The following CCSER1 variants were observed in gnomAD, a reference collection of about 807,000 sequenced individuals.
CCSER1 encodes serine-rich coiled-coil domain-containing protein 1.
Under a neutral mutation model 82.0 loss-of-function variants are expected in CCSER1, and 41 were observed. That is an observed-to-expected ratio of 0.50 (90% CI 0.39 to 0.65). The LOEUF (loss-of-function observed/expected upper bound fraction) is 0.65, where lower values mean the gene tolerates loss of function less well. Among genes scored for constraint, CCSER1 ranks in the 30% least tolerant of loss-of-function variants. The probability of loss-of-function intolerance (pLI) is 0.00; values close to 1 mark genes in which losing one functional copy is unlikely to be tolerated. For synonymous variants in CCSER1, 414 were observed against 383.9 expected (o/e 1.08, Z -0.92); for missense variants, 1,119 against 1,064.2 (o/e 1.05, Z -0.72).
chr4:91,410,313 T>C (rs1578389971), intron 10 of CCSER1, among the ~76,000 whole-genome samples: 1 of 151,720 alleles, frequency 6.6e-6, no homozygotes, highest in East Asian at 1.9e-4. Context: ...TGTCTTTCCA[T>C]CATTTTTTTT....
intron 10 of CCSER1, among the ~76,000 whole-genome samples, chr4:91,498,412 T>C (rs1419137013): frequency 2.6e-5 from 4 of 151,780 alleles, no homozygotes; most frequent in Non-Finnish European, 5.9e-5. Context: ...GTGTAGTTGA[T>C]AGAAAATCAC....
At chr4:90,717,543 C>T (rs2149350553) in intron 6 of CCSER1, among the ~76,000 whole-genome samples, 1 of 152,138 alleles carries the variant, frequency 6.6e-6, no homozygotes. Flanking sequence ...ATGGAATATG[C>T]ACCACTTAGA....
intron 10 of CCSER1, among the ~76,000 whole-genome samples, chr4:91,596,231 G>A (rs1203011558): frequency 6.6e-6 from 1 of 151,730 alleles, no homozygotes; most frequent in African/African-American, 2.4e-5. Context: ...TATGCCAGGA[G>A]AATTAAAATG....
intron 3 of CCSER1, among the ~76,000 whole-genome samples, chr4:90,373,670 A>G (rs1370054790): frequency 1.3e-5 from 2 of 152,164 alleles, no homozygotes; most frequent in African/African-American, 2.4e-5. Context: ...TTGGGGGAAC[A>G]TTCTAGGTCT....
chr4:91,083,392 C>G (rs1723007298), intron 9 of CCSER1, among the ~76,000 whole-genome samples: 1 of 151,858 alleles, frequency 6.6e-6, no homozygotes, highest in South Asian at 2.1e-4. Flanking sequence ...TGGGGAACAT[C>G]ACACACAGGA....
intron 5 of CCSER1, among the ~76,000 whole-genome samples, chr4:90,495,761 C>T (rs115412985): frequency 0.016 from 2,452 of 152,176 alleles, 40 homozygotes; most frequent in African/African-American, 0.047. Context: ...GGATCCAATA[C>T]ATTAAATAAG....
intron 8 of CCSER1, chr4:90,911,164 G>C (rs961657008): frequency 5.0e-6 from 2 of 403,694 alleles, no homozygotes; most frequent in Non-Finnish European, 9.6e-6. Context: ...GATTGCATAA[G>C]AGTTCTTTTT....
At chr4:90,634,006 G>A (rs773647596) in intron 6 of CCSER1, among the ~76,000 whole-genome samples, 2 of 151,718 alleles carry the variant, frequency 1.3e-5, no homozygotes, top group Non-Finnish European at 3.0e-5. Flanking sequence ...AGACATGACT[G>A]TAGTAAGGGA....
At chr4:91,005,390 T>TAC (rs10555507) in intron 9 of CCSER1, among the ~76,000 whole-genome samples, 8,636 of 149,200 alleles carry the variant, frequency 0.058, 313 homozygotes, top group Non-Finnish European at 0.089. Context: ...GAAGTAATTT[T>TAC]ACACACACAC....
intron 9 of CCSER1, among the ~76,000 whole-genome samples, chr4:91,052,293 G>C (rs1219098282): frequency 3.9e-5 from 6 of 151,944 alleles, no homozygotes; most frequent in African/African-American, 1.4e-4. Context: ...GAGTGCCTCG[G>C]ATATCAGGAT....
At chr4:90,689,966 G>A (rs747924398) in intron 6 of CCSER1, among the ~76,000 whole-genome samples, 1 of 152,088 alleles carries the variant, frequency 6.6e-6, no homozygotes, top group African/African-American at 2.4e-5. Flanking sequence ...AGTATGCAGG[G>A]CATTCCTCTG....
chr4:90,986,591 G>A (rs1168328507), intron 9 of CCSER1, among the ~76,000 whole-genome samples: 3 of 151,656 alleles, frequency 2.0e-5, no homozygotes, highest in Non-Finnish European at 3.0e-5. Flanking sequence ...GAGATCATCA[G>A]AATTAGAGAG....
At chr4:90,324,131 C>T (rs186635764) in intron 3 of CCSER1, among the ~76,000 whole-genome samples, 3,386 of 152,202 alleles carry the variant, frequency 0.022, 52 homozygotes, top group South Asian at 0.044. Flanking sequence ...AATAAACATA[C>T]GTGTGCATGT....
At chr4:91,587,085 T>C (rs1578861571) in intron 10 of CCSER1, among the ~76,000 whole-genome samples, 1 of 151,886 alleles carries the variant, frequency 6.6e-6, no homozygotes, top group East Asian at 1.9e-4. Context: ...ATACCTCTTC[T>C]CTCACAGTTA....
intron 5 of CCSER1, among the ~76,000 whole-genome samples, chr4:90,534,225 G>T (rs1007259172): frequency 6.6e-6 from 1 of 152,196 alleles, no homozygotes; most frequent in Admixed American, 6.5e-5. Flanking sequence ...TGCCTCCAGG[G>T]TTCACGCCAT....
intron 6 of CCSER1, 90 bp from the exon 7 acceptor site, chr4:90,723,819 GTTTAT>G: frequency 2.0e-6 from 1 of 507,944 alleles, no homozygotes; most frequent in East Asian, 3.4e-5. Flanking sequence ...CTTATTATTT[GTTTAT>G]TTTAATGATT....
At chr4:91,515,231 G>A (rs1166362316) in intron 10 of CCSER1, among the ~76,000 whole-genome samples, 1 of 151,972 alleles carries the variant, frequency 6.6e-6, no homozygotes, top group African/African-American at 2.4e-5. Flanking sequence ...TAGGCTCAGG[G>A]GTACATGTGC....
chr4:91,349,340 G>A (rs924462273), intron 10 of CCSER1, among the ~76,000 whole-genome samples: 1 of 152,112 alleles, frequency 6.6e-6, no homozygotes, highest in Non-Finnish European at 1.5e-5. Flanking sequence ...TGTCTTCCCT[G>A]TTGGGTTTGA....
At chr4:90,552,784 C>T (rs558646418) in intron 5 of CCSER1, among the ~76,000 whole-genome samples, 2 of 151,970 alleles carry the variant, frequency 1.3e-5, no homozygotes, top group Admixed American at 6.6e-5. Flanking sequence ...AAGCTTTTTG[C>T]GTACTAGTCT....
Sources: gnomAD v4.1 joint callset for allele counts (sites outside exome capture counted in the v4.1 genomes callset) on GRCh38, gnomAD v4.1.1 for gene constraint, MANE v1.5 for transcripts, NCBI Gene and HGNC (gene_info 2026-07-23, HGNC 2026-07-21) for gene names.